The following NT5C2 variants were observed in gnomAD, a reference collection of about 807,000 sequenced individuals.
The protein encoded by NT5C2 is 5'-nucleotidase, cytosolic II.
A neutral mutation model predicts 76.1 loss-of-function variants in NT5C2; 58 were observed. The ratio of observed to expected loss-of-function variants is 0.76; its 90% CI spans 0.62 to 0.95. The LOEUF (loss-of-function observed/expected upper bound fraction) is 0.95. NT5C2 is among the 40% of genes least tolerant of loss of function. NT5C2 has a pLI of 0.00. For synonymous variants in NT5C2, 229 were observed against 237.4 expected (o/e 0.96, Z 0.32); for missense variants, 478 against 690.3 (o/e 0.69, Z 3.45).
At chr10:103,142,324 CATATA>C (rs994851258) in intron 3 of NT5C2, among the ~76,000 whole-genome samples, 3 of 152,052 alleles carry the variant, frequency 2.0e-5, no homozygotes, top group Non-Finnish European at 4.4e-5. Flanking sequence ...AAAAACTGAA[CATATA>C]ATAGTATGGT....
At chr10:103,168,104 T>TAA (rs572645262) in intron 3 of NT5C2, among the ~76,000 whole-genome samples, 27 of 140,890 alleles carry the variant, frequency 1.9e-4, no homozygotes, top group Middle Eastern at 7.2e-3. Context: ...AAACTGCAAC[T>TAA]AAAAAAAAAA....
rs76558380 is a variant in NT5C2 at position 103,155,714 on chromosome 10, T to C, written c.102-16235A>G. 7.3e-3 allele frequency among the ~76,000 whole-genome samples: 1,109 copies of C among 152,130 alleles called. 6 individuals carry two copies. Among genetic ancestry groups the C allele is most frequent in the Middle Eastern group, 0.027 (8 of 294 alleles). On this transcript the variant is annotated intron_variant, in intron 3 of 18. Transcript: ENST00000404739. ...AGAGAAAAAGCAAAGCTAGATACAG[T>C]TGACAGAACACAGAATCTGAGGAAG...
At chr10:103,172,814 G>A (rs571243847) in intron 3 of NT5C2, among the ~76,000 whole-genome samples, 1 of 152,104 alleles carries the variant, frequency 6.6e-6, no homozygotes, top group African/African-American at 2.4e-5. Context: ...CAGCCTGGGC[G>A]ACAGAATGAA....
In NT5C2 at chr10:103,089,534, A is replaced by G; in HGVS notation, c.*138T>C. 7.1e-7 allele frequency: 1 copy of G among 1,400,792 alleles called. No homozygotes were observed. Among genetic ancestry groups the G allele is most frequent in the Non-Finnish European group, 9.4e-7 (1 of 1,067,746 alleles). The allele number at this position is 1,400,792 out of a possible 1,614,324, so 86.8% of individuals were successfully genotyped here. ...CAAAACAAGTATCTATGATAATAAAATCTTCAGAAACTTTTCAGACGTACC... is the reference window on the plus strand; with the variant it reads ...CAAAACAAGTATCTATGATAATAAAGTCTTCAGAAACTTTTCAGACGTACC... On this transcript the variant is annotated 3_prime_UTR_variant, in exon 19 of 19. Transcript: ENST00000404739.
At chr10:103,185,127 A>G (rs2091844003) in intron 1 of NT5C2, among the ~76,000 whole-genome samples, 1 of 152,198 alleles carries the variant, frequency 6.6e-6, no homozygotes, top group African/African-American at 2.4e-5. Flanking sequence ...AATGTTTTGA[A>G]TAATACCGGA....
chr10:103,189,522 C>T (rs944663173), intron 1 of NT5C2, among the ~76,000 whole-genome samples: 1 of 149,750 alleles, frequency 6.7e-6, no homozygotes, highest in Admixed American at 6.7e-5. Flanking sequence ...AGGAGAATCG[C>T]TTGAACCCAG....
intron 4 of NT5C2, among the ~76,000 whole-genome samples, chr10:103,128,298 C>T (rs557982221): frequency 7.3e-5 from 11 of 150,426 alleles, no homozygotes; most frequent in Non-Finnish European, 1.3e-4. Flanking sequence ...AGCCCCTAAC[C>T]GCGAGTGATC....
chr10:103,155,826 T>C (rs1020870012), intron 3 of NT5C2, among the ~76,000 whole-genome samples: 16 of 152,274 alleles, frequency 1.1e-4, no homozygotes, highest in African/African-American at 3.1e-4. Flanking sequence ...GCATGCTCGA[T>C]GTGATATCAC....
chr10:103,183,343 T>G (rs2091532407), intron 1 of NT5C2, among the ~76,000 whole-genome samples: 1 of 138,190 alleles, frequency 7.2e-6, no homozygotes, highest in Non-Finnish European at 1.5e-5. Flanking sequence ...GCTTTTTTTT[T>G]TTTTTTTTAA....
intron 3 of NT5C2, among the ~76,000 whole-genome samples, chr10:103,157,054 T>TAC (rs2133943135): frequency 6.7e-6 from 1 of 149,654 alleles, no homozygotes; most frequent in Non-Finnish European, 1.5e-5. Context: ...AAATGTATAT[T>TAC]ACTCTTATAT....
chr10:103,167,715 T>C (rs1013396460), intron 3 of NT5C2, among the ~76,000 whole-genome samples: 1 of 152,102 alleles, frequency 6.6e-6, no homozygotes, highest in African/African-American at 2.4e-5. Context: ...CACTGCAGCC[T>C]TGACCTCCCA....
In NT5C2 at chr10:103,101,312, T is replaced by A; in HGVS notation, c.404A>T (p.Glu135Val). Residue 135 changes from glutamate to valine, a missense_variant, in exon 7 of 19, where the codon GAA becomes GTA. Physicochemically the swap from Glu to Val is moderately radical, Grantham distance 121. Coordinates refer to ENST00000404739, the MANE Select transcript of NT5C2 (RefSeq NM_001351169.2). ...CTGGATAAATTTATTTGGATACTGTTCTCTAGTTTCTGGTCTGAAAGAAAA... is the reference window on the plus strand; with the variant it reads ...CTGGATAAATTTATTTGGATACTGTACTCTAGTTTCTGGTCTGAAAGAAAA... ...FNFIRGPETR[E>V]QYPNKFIQRD... 1 of 1,596,228 alleles carries A rather than the reference T, an allele frequency of 6.3e-7. No individual in the cohort carries two copies. Among genetic ancestry groups the A allele is most frequent in the Non-Finnish European group, 8.6e-7 (1 of 1,166,660 alleles).
intron 4 of NT5C2, among the ~76,000 whole-genome samples, chr10:103,134,815 C>T (rs2078875642): frequency 6.6e-6 from 1 of 152,192 alleles, no homozygotes; most frequent in Non-Finnish European, 1.5e-5. Context: ...AGTGGAGCTG[C>T]CCAAAACCAT....
At chr10:103,149,503 G>A (rs1487365753) in intron 3 of NT5C2, among the ~76,000 whole-genome samples, 2 of 152,094 alleles carry the variant, frequency 1.3e-5, no homozygotes, top group Non-Finnish European at 2.9e-5. Context: ...GAGAAACCAG[G>A]ACAATACCAG....
chr10:103,140,663 G>T (rs1247735513), intron 3 of NT5C2, among the ~76,000 whole-genome samples: 2 of 152,300 alleles, frequency 1.3e-5, no homozygotes, highest in South Asian at 4.1e-4. Context: ...CAGTGTACAA[G>T]TGTTCCCTTT....
intron 12 of NT5C2, among the ~76,000 whole-genome samples, chr10:103,094,700 G>A (rs1590686550): frequency 6.6e-6 from 1 of 152,090 alleles, no homozygotes; most frequent in Non-Finnish European, 1.5e-5. Context: ...TGGCCAACAT[G>A]GTGAAAACCT....
intron 3 of NT5C2, chr10:103,153,238 T>C: frequency 1.7e-6 from 2 of 1,206,890 alleles, no homozygotes; most frequent in Non-Finnish European, 2.2e-6. Context: ...TTCATGCAGA[T>C]GATACCTCTT....
At position 103,090,671 on chromosome 10, in the gene NT5C2, T is replaced by C. The variant is rs1243899031; in HGVS notation, c.1389A>G (p.Ala463=). 3 of 1,614,060 alleles carry C rather than the reference T, an allele frequency of 1.9e-6. No homozygotes were observed. Among genetic ancestry groups the C allele is most frequent in the African/African-American group, 1.3e-5 (1 of 74,924 alleles). The change falls in exon 18 of 19, where the codon GCA becomes GCG. Residue 463 remains alanine (A), a synonymous_variant. Transcript: ENST00000404739. ...GGTAATACAGCAGGTTGATGAAAGATGCTGCATAGAGGTCAGCATAACGCA... is the reference window on the plus strand; with the variant it reads ...GGTAATACAGCAGGTTGATGAAAGACGCTGCATAGAGGTCAGCATAACGCA... ...QVMRYADLYA[A]SFINLLYYPF...
intron 3 of NT5C2, among the ~76,000 whole-genome samples, chr10:103,167,631 T>TC (rs2086734361): frequency 6.6e-6 from 1 of 152,034 alleles, no homozygotes; most frequent in Non-Finnish European, 1.5e-5. Flanking sequence ...AGATTTCCCC[T>TC]TTTTTTGTTT....
Sources: allele counts gnomAD v4.1 joint callset (sites outside exome capture counted in the v4.1 genomes callset), GRCh38; gene constraint gnomAD v4.1.1; transcripts MANE v1.5; gene names NCBI Gene and HGNC (gene_info 2026-07-23, HGNC 2026-07-21).